SPDYE3: variants seen among roughly 807,000 people sequenced by gnomAD.
The protein encoded by SPDYE3 is speedy/RINGO cell cycle regulator family member E3.
SPDYE3 carries 15 observed loss-of-function variants against 55.0 expected under a neutral mutation model. The ratio of observed to expected loss-of-function variants is 0.27; its 90% CI spans 0.18 to 0.42. SPDYE3 has a LOEUF of 0.42. SPDYE3 is among the 10% of genes least tolerant of loss of function. The probability of loss-of-function intolerance (pLI) is 1.00; values close to 1 mark genes in which losing one functional copy is unlikely to be tolerated. For missense variants in SPDYE3, 236 were observed against 576.7 expected, an observed-to-expected ratio of 0.41 and a Z score of 6.05; for synonymous variants, 89 against 229.9, an observed-to-expected ratio of 0.39 and a Z score of 5.55.
Position 100,320,461 on chromosome 7 carries a change from A to C in SPDYE3, c.*45+426A>C. Reference sequence around the variant, plus strand: ...TGAGCACAGAGCATGAGACTTCGTCATGAGGAGGTAGGATTATGGATTAGG... The same window carrying C: ...TGAGCACAGAGCATGAGACTTCGTCCTGAGGAGGTAGGATTATGGATTAGG... On this transcript the variant is annotated intron_variant, in intron 10 of 10. Coordinates refer to ENST00000332397, the MANE Select transcript of SPDYE3 (RefSeq NM_001004351.5). 8.9e-6 allele frequency: 9 copies of C among 1,007,190 alleles called. No individual in the cohort carries two copies. The South Asian group carries it at 1.6e-4, about 18-fold the overall frequency. The allele number at this position is 1,007,190 out of a possible 1,614,324, so 62.4% of individuals were successfully genotyped here. A position where few individuals can be genotyped will look rare whatever the true frequency, so the allele number is the denominator to read the frequency against.
chr7:100,319,513 G>A (rs1268088005), intron 8 of SPDYE3, 52 bp from the exon 9 acceptor site: 58 of 1,613,176 alleles, frequency 3.6e-5, no homozygotes, highest in Non-Finnish European at 4.7e-5. Flanking sequence ...GACCTCAGCC[G>A]GAGGTCTCTC....
chr7:100,316,215 C>T (rs1806103488), intron 7 of SPDYE3, among the ~76,000 whole-genome samples: 1 of 152,178 alleles, frequency 6.6e-6, no homozygotes, highest in African/African-American at 2.4e-5. Context: ...AGGTGATCCA[C>T]CCGCCTTGGC....
chr7:100,318,891 T>G (rs1396394482), intron 8 of SPDYE3, among the ~76,000 whole-genome samples: 2 of 129,100 alleles, frequency 1.5e-5, no homozygotes, highest in Non-Finnish European at 3.5e-5. Context: ...TGGACAGTTA[T>G]TTATTTATTT....
In SPDYE3 at chr7:100,307,896, A is replaced by T. The variant is rs570356065; in HGVS notation, c.11A>T (p.His4Leu). Residue 4 changes from histidine (H) to leucine (L), a missense_variant, in exon 1 of 11, where the codon CAT becomes CTT. Transcript: ENST00000332397. ...ATTTTGGGAAAGATCATGACGAGCC[A>T]TCAACCGCAGCCCCAGGAAGAGCAG... MTSHQPQPQEEQSP... is the reference protein window; with the variant it reads MTSLQPQPQEEQSP... 1 of 1,584,730 alleles carries T rather than the reference A, an allele frequency of 6.3e-7. No individual in the cohort carries two copies. Among genetic ancestry groups the T allele is most frequent in the South Asian group, 1.1e-5 (1 of 89,002 alleles).
chr7:100,315,671 C>G, intron 6 of SPDYE3, 114 bp from the exon 7 acceptor site: 6 of 1,542,546 alleles, frequency 3.9e-6, no homozygotes, highest in African/African-American at 1.4e-5. Context: ...CCACCTCACC[C>G]GCGGCCACAA....
At chr7:100,317,335 G>A (rs371620830) in intron 8 of SPDYE3, among the ~76,000 whole-genome samples, 180 bp downstream of exon 8, 61 of 152,302 alleles carry the variant, frequency 4.0e-4, no homozygotes, top group African/African-American at 1.4e-3. Flanking sequence ...GCTGGGCATG[G>A]TGGCTCAGGC....
chr7:100,319,504 A>T, intron 8 of SPDYE3, 61 bp from the exon 9 acceptor site: 1 of 1,612,124 alleles, frequency 6.2e-7, no homozygotes, highest in South Asian at 1.1e-5. Context: ...TGGGAAGCTG[A>T]CCTCAGCCGG....
chr7:100,308,314 G>A (rs1185223468), intron 1 of SPDYE3, among the ~76,000 whole-genome samples: 3 of 141,978 alleles, frequency 2.1e-5, no homozygotes, highest in Non-Finnish European at 4.5e-5. Flanking sequence ...CTGGGTGAGA[G>A]AGTGAGACGC....
At chr7:100,320,189 G>T (rs1205022547) in intron 10 of SPDYE3, 154 bp downstream of exon 10, 4 of 1,419,128 alleles carry the variant, frequency 2.8e-6, no homozygotes, top group Non-Finnish European at 3.8e-6. Flanking sequence ...GATGTGGGAG[G>T]CATCTCTACT....
intron 8 of SPDYE3, among the ~76,000 whole-genome samples, chr7:100,318,887 GTTAT>G (rs201381694): frequency 0.049 from 6,870 of 140,470 alleles, 173 homozygotes; most frequent in Middle Eastern, 0.056. Context: ...CACCTGGACA[GTTAT>G]TTATTTATTT....
At chr7:100,316,213 C>T (rs1411160874) in intron 7 of SPDYE3, among the ~76,000 whole-genome samples, 22 of 152,144 alleles carry the variant, frequency 1.4e-4, no homozygotes, top group Admixed American at 1.4e-3. Flanking sequence ...TCAGGTGATC[C>T]ACCCGCCTTG....
rs1006184847 is a variant in SPDYE3, at chr7:100,319,760, C to T, written c.1542C>T (p.Phe514=). The change falls in exon 9 of 11, where the codon TTC becomes TTT. Residue 514 remains phenylalanine, a synonymous_variant. Transcript: ENST00000332397. The part of the protein sequence containing the change: ...ALFQKRRFQF[F]CSMRCRAWVS... ...TCCAGAAGCGTCGGTTCCAGTTCTT[C>T]TGTTCCATGCGCTGCAGGGCTTGGG... 1.2e-6 allele frequency: 2 copies of T among 1,613,180 alleles called. No homozygotes were observed. Among genetic ancestry groups the T allele is most frequent in the African/African-American group, 2.7e-5 (2 of 74,856 alleles).
At chr7:100,315,467 T>C (rs1471080031) in intron 6 of SPDYE3, among the ~76,000 whole-genome samples, 5 of 152,208 alleles carry the variant, frequency 3.3e-5, no homozygotes, top group Admixed American at 6.5e-5. Flanking sequence ...GACTGTCTCA[T>C]GAGGAAATGA....
At chr7:100,315,694 C>A in intron 6 of SPDYE3, 91 bp from the exon 7 acceptor site, 1 of 1,586,302 alleles carries the variant, frequency 6.3e-7, no homozygotes, top group South Asian at 1.1e-5. Flanking sequence ...CTGAGACTTT[C>A]CCCCGGGAGG....
Position 100,321,128 on chromosome 7 carries a change from T to A in SPDYE3, c.*283T>A, listed in dbSNP as rs1436133386. 2 of 541,298 alleles carry A rather than the reference T, an allele frequency of 3.7e-6. No individual in the cohort carries two copies. The highest frequency in any genetic ancestry group is 7.1e-6 in the Non-Finnish European group (2 of 282,770). 33.5% of individuals were successfully genotyped at this position (541,298 alleles called of 1,614,324 possible). ...ACCAGGAGTGTTTCCAGTTCCACCC[T>A]TTCCTGCGGCACCACCTCCCTTTTT... On this transcript the variant is annotated 3_prime_UTR_variant, in exon 11 of 11. Coordinates refer to ENST00000332397, the MANE Select transcript of SPDYE3 (RefSeq NM_001004351.5).
intron 8 of SPDYE3, among the ~76,000 whole-genome samples, chr7:100,318,680 C>G (rs1391739579): frequency 6.6e-6 from 1 of 151,620 alleles, no homozygotes; most frequent in East Asian, 1.9e-4. Flanking sequence ...AGACTAGATG[C>G]CTGTAGAAGG....
chr7:100,318,333 CTTT>C (rs1789487104), intron 8 of SPDYE3, among the ~76,000 whole-genome samples: 1 of 152,146 alleles, frequency 6.6e-6, no homozygotes, highest in African/African-American at 2.4e-5. Context: ...TAGCTGATGT[CTTT>C]CTCTATCGAG....
intron 7 of SPDYE3, among the ~76,000 whole-genome samples, chr7:100,316,783 A>G (rs559693291): frequency 9.2e-5 from 14 of 152,116 alleles, no homozygotes; most frequent in South Asian, 6.2e-4. Context: ...CTGGCACACA[A>G]AAGACCCTCC....
At chr7:100,308,024 G>C (rs1290200655) in intron 1 of SPDYE3, 33 bp downstream of exon 1, 1 of 1,528,594 alleles carries the variant, frequency 6.5e-7, no homozygotes, top group Non-Finnish European at 8.8e-7. Context: ...AGGTGGCATA[G>C]GATTGACTAA....
Sources: allele counts gnomAD v4.1 joint callset (sites outside exome capture counted in the v4.1 genomes callset), GRCh38; gene constraint gnomAD v4.1.1; transcripts MANE v1.5; gene names NCBI Gene and HGNC (gene_info 2026-07-23, HGNC 2026-07-21).